Variants in GRIN2B observed in about 807,000 individuals in gnomAD.
GRIN2B encodes glutamate receptor ionotropic, NMDA 2B.
Under a neutral mutation model 114.5 loss-of-function variants are expected in GRIN2B, and 5 were observed. The observed-to-expected ratio is 0.04, with a 90% CI of 0.02 to 0.09. GRIN2B has a LOEUF of 0.09. GRIN2B is among the 10% of genes least tolerant of loss of function. GRIN2B has a pLI of 1.00. For synonymous variants in GRIN2B, 787 were observed against 745.1 expected (o/e 1.06, Z -0.92); for missense variants, 1,108 against 1,943.5 (o/e 0.57, Z 8.08).
chr12:13,695,840 G>A lies in GRIN2B; in HGVS notation c.1011-19981C>T, dbSNP rs149831107. Among the ~76,000 whole-genome samples the A allele has an allele frequency of 5.9e-5, 9 of 151,800 alleles. No homozygotes were observed. The East Asian group carries it at 1.7e-3, about 30-fold the overall frequency. ...TCATAGTGTAGATAAGGGAAACAAT[G>A]CAAACCTGAACCCCAGTAGCGGAAA... On this transcript the variant is annotated intron_variant, in intron 4 of 13. Transcript: ENST00000609686.
chr12:13,831,350 C>G (rs187113408), intron 3 of GRIN2B, among the ~76,000 whole-genome samples: 1 of 152,262 alleles, frequency 6.6e-6, no homozygotes, highest in East Asian at 1.9e-4. Context: ...AGAACCAGTA[C>G]AAGTAAATTC....
At position 13,592,137 on chromosome 12, in the gene GRIN2B, G is replaced by A. The variant is rs543345303; in HGVS notation, c.2010+16466C>T. On this transcript the variant is annotated intron_variant, in intron 10 of 13. Coordinates refer to ENST00000609686, the MANE Select transcript of GRIN2B (RefSeq NM_000834.5). ...CTCAATGATTCTAGTGGAGGGTGACGGGTGTGTTTGGGCCATTGTAGGAGG... is the reference window on the plus strand; with the variant it reads ...CTCAATGATTCTAGTGGAGGGTGACAGGTGTGTTTGGGCCATTGTAGGAGG... Among the ~76,000 whole-genome samples the A allele has an allele frequency of 1.3e-3, 202 of 152,300 alleles. 1 individual carries two copies. The highest frequency in any genetic ancestry group is 5.9e-5 in the Non-Finnish European group (4 of 68,026).
At chr12:13,866,876 A>T (rs1865837091) in intron 2 of GRIN2B, among the ~76,000 whole-genome samples, 1 of 152,246 alleles carries the variant, frequency 6.6e-6, no homozygotes, top group African/African-American at 2.4e-5. Flanking sequence ...CCAGTAGGGA[A>T]TAAAATAAGA....
At chr12:13,849,958 G>A (rs2136726072) in intron 3 of GRIN2B, among the ~76,000 whole-genome samples, 1 of 152,206 alleles carries the variant, frequency 6.6e-6, no homozygotes, top group African/African-American at 2.4e-5. Context: ...CCAAACACCT[G>A]AATACCCCTC....
At chr12:13,736,116 A>G (rs937965976) in intron 4 of GRIN2B, among the ~76,000 whole-genome samples, 2 of 112,386 alleles carry the variant, frequency 1.8e-5, no homozygotes, top group African/African-American at 7.0e-5. Context: ...AACATGAACT[A>G]TCATCTCCCA....
intron 3 of GRIN2B, among the ~76,000 whole-genome samples, chr12:13,776,903 G>A (rs1231286169): frequency 6.6e-6 from 1 of 152,132 alleles, no homozygotes; most frequent in Non-Finnish European, 1.5e-5. Context: ...TCCTACCTCT[G>A]TACTTAGAAA....
intron 10 of GRIN2B, among the ~76,000 whole-genome samples, chr12:13,593,410 T>C (rs1949033332): frequency 3.9e-5 from 6 of 152,198 alleles, no homozygotes; most frequent in Admixed American, 3.9e-4. Flanking sequence ...AACCATCTGA[T>C]ATTTGACAAA....
intron 4 of GRIN2B, among the ~76,000 whole-genome samples, chr12:13,745,867 T>C (rs1335304099): frequency 1.3e-5 from 2 of 152,094 alleles, no homozygotes; most frequent in East Asian, 1.9e-4. Flanking sequence ...CTTAAAAACA[T>C]ATAAAATGAG....
intron 2 of GRIN2B, among the ~76,000 whole-genome samples, chr12:13,951,574 G>A (rs1867479916): frequency 6.6e-6 from 1 of 152,184 alleles, no homozygotes; most frequent in African/African-American, 2.4e-5. Context: ...ATGGTTGGTA[G>A]AGCTGTATAA....
At chr12:13,656,473 T>C (rs766918692) in intron 5 of GRIN2B, among the ~76,000 whole-genome samples, 2 of 152,164 alleles carry the variant, frequency 1.3e-5, no homozygotes, top group Non-Finnish European at 2.9e-5. Context: ...GAGACACAAA[T>C]AAGTCAACTG....
intron 4 of GRIN2B, among the ~76,000 whole-genome samples, chr12:13,711,997 G>C (rs1950418905): frequency 6.6e-6 from 1 of 152,104 alleles, no homozygotes; most frequent in Non-Finnish European, 1.5e-5. Context: ...AACAGTGATA[G>C]ACTGGATTAA....
intron 8 of GRIN2B, among the ~76,000 whole-genome samples, chr12:13,614,774 TCTC>T (rs1949414127): frequency 6.6e-6 from 1 of 152,222 alleles, no homozygotes; most frequent in African/African-American, 2.4e-5. Context: ...TGAAATGACT[TCTC>T]CTATGGATGA....
At chr12:13,794,264 A>AGAAAGCATAAGAAAAGT (rs1344376411) in intron 3 of GRIN2B, among the ~76,000 whole-genome samples, 1 of 152,066 alleles carries the variant, frequency 6.6e-6, no homozygotes, top group Non-Finnish European at 1.5e-5. Flanking sequence ...ATCAAGAAAA[A>AGAAAGCATAAGAAAAGT]GAAAGCATAA....
chr12:13,647,868 T>G (rs746835483), intron 5 of GRIN2B, among the ~76,000 whole-genome samples: 4 of 152,118 alleles, frequency 2.6e-5, no homozygotes, highest in Non-Finnish European at 4.4e-5. Context: ...TCTGGGTTAA[T>G]GAATCCCGCA....
intron 5 of GRIN2B, among the ~76,000 whole-genome samples, chr12:13,646,115 G>A (rs568822170): frequency 1.3e-5 from 2 of 152,198 alleles, no homozygotes; most frequent in African/African-American, 4.8e-5. Flanking sequence ...ACGAAGAGCT[G>A]GATACAGCGG....
intron 2 of GRIN2B, among the ~76,000 whole-genome samples, chr12:13,900,103 A>G (rs1037561531): frequency 3.9e-5 from 6 of 152,168 alleles, no homozygotes; most frequent in African/African-American, 1.4e-4. Flanking sequence ...TTCCTCTACA[A>G]GTTCTTTTCA....
At position 13,564,426 on chromosome 12, in the gene GRIN2B, G is replaced by C; in HGVS notation, c.2812C>G (p.Arg938Gly). 6.2e-7 allele frequency: 1 copy of C among 1,614,232 alleles called. No individual in the cohort carries two copies. The highest frequency in any genetic ancestry group is 8.5e-7 in the Non-Finnish European group (1 of 1,180,044). ...ESSVYDISEHRRSFTHSDCKS... is the reference protein window; with the variant it reads ...ESSVYDISEHGRSFTHSDCKS... ...CAGTCAGAATGCGTGAAGCTGCGGC[G>C]GTGCTCTGAGATGTCATAGACGGAT... is the stretch of plus-strand genomic sequence containing the variant. Residue 938 changes from arginine to glycine, a missense_variant, in exon 14 of 14, where the codon CGC becomes GGC. This residue lies in a region of GRIN2B where 140 missense variants were observed against 187.5 expected (regional missense o/e 0.75). Transcript: ENST00000609686. The surrounding 1 kb of genome is among the most constrained non-coding windows in gnomAD (Gnocchi z 4.8).
intron 5 of GRIN2B, among the ~76,000 whole-genome samples, chr12:13,617,116 G>A (rs1277154016): frequency 6.6e-6 from 1 of 152,180 alleles, no homozygotes; most frequent in African/African-American, 2.4e-5. Context: ...AGATAGCTTT[G>A]GAAATGTCAA....
intron 4 of GRIN2B, among the ~76,000 whole-genome samples, chr12:13,747,148 C>A (rs1212597962): frequency 6.6e-6 from 1 of 152,048 alleles, no homozygotes; most frequent in Non-Finnish European, 1.5e-5. Context: ...AGAGAAACAC[C>A]ACCTATATTA....
Sources: gnomAD v4.1 joint callset for allele counts (sites outside exome capture counted in the v4.1 genomes callset) on GRCh38, gnomAD v4.1.1 for gene constraint, gnomAD v4.1.1 regional missense constraint, Gnocchi (gnomAD v3.1) non-coding constraint, MANE v1.5 for transcripts, NCBI Gene and HGNC (gene_info 2026-07-23, HGNC 2026-07-21) for gene names.